The following VPS13B variants were observed in gnomAD, a reference collection of about 807,000 sequenced individuals.
VPS13B encodes the protein intermembrane lipid transfer protein VPS13B.
VPS13B carries 285 observed loss-of-function variants against 426.4 expected under a neutral mutation model. The observed-to-expected ratio is 0.67, with a 90% CI of 0.61 to 0.74. The LOEUF is 0.74. VPS13B is among the 30% of genes least tolerant of loss of function. VPS13B has a pLI of 0.00. For synonymous variants in VPS13B, 1,676 were observed against 1,676.4 expected, an observed-to-expected ratio of 1.00 and a Z score of 0.01; for missense variants, 4,537 against 4,782.6, an observed-to-expected ratio of 0.95 and a Z score of 1.51.
intron 46 of VPS13B, 49 bp from the exon 47 acceptor site, chr8:99,818,664 A>G: frequency 1.2e-6 from 2 of 1,609,486 alleles, no homozygotes; most frequent in Non-Finnish European, 1.7e-6. Flanking sequence ...CAGCTGGAAT[A>G]CTGCAACAAA....
chr8:99,064,751 T>C lies in VPS13B; in HGVS notation c.291+26185T>C, dbSNP rs576643281. On this transcript the variant is annotated intron_variant, in intron 3 of 61. Transcript: ENST00000357162. ...GGCCAACATTCAAATTCAGGAAATA[T>C]AGAGAACACCACAAAGATACTCTTC... Among the ~76,000 whole-genome samples, 14 of 152,238 alleles carry C rather than the reference T, an allele frequency of 9.2e-5. No homozygotes were observed. The South Asian group carries it at 2.7e-3, about 29-fold the overall frequency.
intron 61 of VPS13B, among the ~76,000 whole-genome samples, chr8:99,871,903 T>C (rs2130977200): frequency 6.6e-6 from 1 of 152,298 alleles, no homozygotes; most frequent in Non-Finnish European, 1.5e-5. Flanking sequence ...GATATGCACA[T>C]AAGCCCTGTA....
intron 21 of VPS13B, among the ~76,000 whole-genome samples, chr8:99,428,706 T>C (rs1588368046): frequency 6.6e-6 from 1 of 152,290 alleles, no homozygotes; most frequent in East Asian, 1.9e-4. Context: ...GTTCAACCAT[T>C]GTGGAAGTCA....
rs186790325 is a variant in VPS13B, at chr8:99,309,525, T to G, written c.2824+34271T>G. Reference sequence around the variant, plus strand: ...GGTATTATTTCTGAGGGCTCTGTTCTGTTCCATTGGTCTATATCTCTGTTT... The same window carrying G: ...GGTATTATTTCTGAGGGCTCTGTTCGGTTCCATTGGTCTATATCTCTGTTT... On this transcript the variant is annotated intron_variant, in intron 19 of 61. Coordinates refer to ENST00000357162, the MANE Select transcript of VPS13B (RefSeq NM_152564.5). 6.3e-3 allele frequency among the ~76,000 whole-genome samples: 953 copies of G among 152,340 alleles called. 8 individuals carry two copies. Among genetic ancestry groups the G allele is most frequent in the African/African-American group, 0.021 (894 of 41,584 alleles).
At chr8:99,256,313 G>A (rs1216158220) in intron 17 of VPS13B, among the ~76,000 whole-genome samples, 2 of 152,112 alleles carry the variant, frequency 1.3e-5, no homozygotes, top group Admixed American at 6.6e-5. Flanking sequence ...TTTGGAATTT[G>A]GGTTGCTTCC....
intron 33 of VPS13B, among the ~76,000 whole-genome samples, chr8:99,579,421 G>T (rs1279956587): frequency 2.6e-5 from 4 of 151,388 alleles, no homozygotes; most frequent in African/African-American, 9.7e-5. Context: ...TTTTTGAGAT[G>T]GAGTCTTGCA....
chr8:99,520,967 G>A lies in VPS13B; in HGVS notation c.4702G>A (p.Asp1568Asn). The change falls in exon 30 of 62, where the codon GAC becomes AAC. Residue 1568 changes from aspartate (D) to asparagine (N), a missense_variant. By Grantham distance (23) the Asp-to-Asn change is conservative (BLOSUM62 1). Around this residue, in one of 2 missense-constraint regions of VPS13B, gnomAD observed 4,311 missense variants for 4,474.3 expected, o/e 0.96. Coordinates refer to ENST00000357162, the MANE Select transcript of VPS13B (RefSeq NM_152564.5). ...IGSVAMAPQA[D>N]NPLGRSVLRK... is the part of the protein sequence containing the mutation. ...CTCTGTTGCCATGGCTCCCCAGGCT[G>A]ACAATCCCCTTGGCAGATCTGTCCT... The A allele has an allele frequency of 1.2e-6, 2 of 1,613,754 alleles. No individual in the cohort carries two copies. The highest frequency in any genetic ancestry group is 1.1e-5 in the South Asian group (1 of 91,076).
In VPS13B at chr8:99,264,676, C is replaced by T. The variant is rs144961068; in HGVS notation, c.2516-9522C>T. Among the ~76,000 whole-genome samples, 418 of 151,932 alleles carry T rather than the reference C, an allele frequency of 2.8e-3. 3 individuals are homozygous for T. Among genetic ancestry groups the T allele is most frequent in the African/African-American group, 9.8e-3 (407 of 41,470 alleles). Reference sequence around the variant, plus strand: ...GTCTTATATCAGAAGTTTTTAGGAGCGTCTCTTTAGCCTTGATGTTCAGGT... The same window carrying T: ...GTCTTATATCAGAAGTTTTTAGGAGTGTCTCTTTAGCCTTGATGTTCAGGT... On this transcript the variant is annotated intron_variant, in intron 17 of 61. Transcript: ENST00000357162.
chr8:99,671,684 G>A, intron 35 of VPS13B, among the ~76,000 whole-genome samples: 1 of 152,184 alleles, frequency 6.6e-6, no homozygotes, highest in East Asian at 1.9e-4. Flanking sequence ...GAGTGACGGA[G>A]TCTCACTCTG....
chr8:99,046,674 T>C (rs1168681075), intron 3 of VPS13B, among the ~76,000 whole-genome samples: 3 of 152,184 alleles, frequency 2.0e-5, no homozygotes, highest in Non-Finnish European at 4.4e-5. Context: ...ACGTTGGCTG[T>C]GGGTTTGTCA....
intron 16 of VPS13B, among the ~76,000 whole-genome samples, chr8:99,180,829 C>T (rs1812907854): frequency 6.6e-6 from 1 of 152,094 alleles, no homozygotes; most frequent in South Asian, 2.1e-4. Flanking sequence ...GTAGGTATAA[C>T]CTGAACAATT....
At chr8:99,290,680 G>A (rs914779283) in intron 19 of VPS13B, among the ~76,000 whole-genome samples, 2 of 151,558 alleles carry the variant, frequency 1.3e-5, no homozygotes, top group African/African-American at 4.8e-5. Flanking sequence ...GAAAAAAAAG[G>A]TAGTTCAAGG....
intron 25 of VPS13B, among the ~76,000 whole-genome samples, chr8:99,489,968 CCTTGT>C (rs1820513508): frequency 6.6e-6 from 1 of 152,272 alleles, no homozygotes; most frequent in African/African-American, 2.4e-5. Context: ...GAGAGGGCAT[CCTTGT>C]CTTGTGCCAG....
intron 19 of VPS13B, among the ~76,000 whole-genome samples, chr8:99,376,850 G>A (rs958178728): frequency 6.6e-6 from 1 of 151,622 alleles, no homozygotes; most frequent in Non-Finnish European, 1.5e-5. Context: ...TATATAATAT[G>A]GCCTGTACTT....
chr8:99,121,479 C>G lies in VPS13B; in HGVS notation c.1206+34C>G, dbSNP rs1378205846. The G allele has an allele frequency of 6.2e-6, 10 of 1,610,208 alleles. No homozygotes were observed. The highest frequency in any genetic ancestry group is 1.1e-5 in the South Asian group (1 of 90,642). ...TTTCTCTTGCTGTTTATATCTCTATCAACTTTAATGCTTAAATTTGGATTG... is the reference window on the plus strand; with the variant it reads ...TTTCTCTTGCTGTTTATATCTCTATGAACTTTAATGCTTAAATTTGGATTG... On this transcript the variant is annotated intron_variant, in intron 8 of 61. Coordinates refer to ENST00000357162, the MANE Select transcript of VPS13B (RefSeq NM_152564.5).
At chr8:99,266,854 G>T (rs781178747) in intron 17 of VPS13B, among the ~76,000 whole-genome samples, 4 of 152,152 alleles carry the variant, frequency 2.6e-5, no homozygotes, top group Non-Finnish European at 5.9e-5. Flanking sequence ...ATGTAGAACT[G>T]TGAGTCAATC....
chr8:99,063,229 G>T (rs1263768365), intron 3 of VPS13B, among the ~76,000 whole-genome samples: 1 of 152,208 alleles, frequency 6.6e-6, no homozygotes, highest in Non-Finnish European at 1.5e-5. Flanking sequence ...TGGACAGTGG[G>T]TGCAGCCCAC....
At chr8:99,387,906 C>T (rs963321754) in intron 20 of VPS13B, among the ~76,000 whole-genome samples, 2 of 152,118 alleles carry the variant, frequency 1.3e-5, no homozygotes, top group Non-Finnish European at 2.9e-5. Flanking sequence ...TGTAGGTATG[C>T]TCTTAGAGTG....
At chr8:99,194,362 T>C (rs1408556215) in intron 17 of VPS13B, among the ~76,000 whole-genome samples, 1 of 152,202 alleles carries the variant, frequency 6.6e-6, no homozygotes, top group East Asian at 1.9e-4. Flanking sequence ...TTACTGCTCC[T>C]GTCTAACTGA....
Sources: allele counts gnomAD v4.1 joint callset (sites outside exome capture counted in the v4.1 genomes callset), GRCh38; gene constraint gnomAD v4.1.1; regional missense constraint gnomAD v4.1.1; transcripts MANE v1.5; gene names NCBI Gene and HGNC (gene_info 2026-07-23, HGNC 2026-07-21).